Variants in PPP1R13B observed in about 807,000 individuals in gnomAD.
The protein encoded by PPP1R13B is apoptosis-stimulating of p53 protein 1.
PPP1R13B carries 44 observed loss-of-function variants against 119.8 expected under a neutral mutation model. The observed-to-expected ratio is 0.37, with a 90% CI of 0.29 to 0.47. The LOEUF is 0.47. Ranked by LOEUF, PPP1R13B falls within the 20% of genes least tolerant of loss-of-function variation. The probability of loss-of-function intolerance (pLI) is 0.99; values close to 1 mark genes in which losing one functional copy is unlikely to be tolerated. For synonymous variants in PPP1R13B, 542 were observed against 561.5 expected (o/e 0.97, Z 0.49); for missense variants, 1,227 against 1,413.5 (o/e 0.87, Z 2.12).
chr14:103,739,085 C>A (rs899949330), intron 12 of PPP1R13B, 62 bp from the exon 13 acceptor site: 3 of 1,559,788 alleles, frequency 1.9e-6, no homozygotes, highest in Non-Finnish European at 2.6e-6. Flanking sequence ...AGAACCCACG[C>A]CTGCTGGGAA....
At chr14:103,781,759 C>T (rs1026162608) in intron 3 of PPP1R13B, among the ~76,000 whole-genome samples, 1 of 152,136 alleles carries the variant, frequency 6.6e-6, no homozygotes, top group African/African-American at 2.4e-5. Flanking sequence ...TCACACCATT[C>T]TCCTGCCTCA....
rs1366914639 is a variant in PPP1R13B, at chr14:103,740,750, C to T, written c.1823-157G>A. On this transcript the variant is annotated intron_variant, in intron 11 of 16. Transcript: ENST00000202556. The surrounding 1 kb of genome is among the most constrained non-coding windows in gnomAD (Gnocchi z 4.6). ...TTTCAAATCTCTGAGGAAACCTCCC[C>T]CTCTTAGAGCCTCCACTGACTCCTT... 6.6e-6 allele frequency among the ~76,000 whole-genome samples: 1 copy of T among 152,210 alleles called. No homozygotes were observed. The highest frequency in any genetic ancestry group is 1.5e-5 in the Non-Finnish European group (1 of 68,046).
chr14:103,793,122 A>T (rs1217974804), intron 2 of PPP1R13B, among the ~76,000 whole-genome samples: 1 of 67,574 alleles, frequency 1.5e-5, no homozygotes, highest in Non-Finnish European at 2.7e-5. Flanking sequence ...AGGGAAGGCA[A>T]TGGGAGGGGA....
chr14:103,742,362 C>G lies in PPP1R13B; in HGVS notation c.1321-71G>C. 6.8e-7 allele frequency: 1 copy of G among 1,481,428 alleles called. No individual in the cohort carries two copies. Among genetic ancestry groups the G allele is most frequent in the East Asian group, 2.3e-5 (1 of 43,830 alleles). The allele number at this position is 1,481,428 out of a possible 1,614,324, so 91.8% of individuals were successfully genotyped here. On this transcript the variant is annotated intron_variant, in intron 10 of 16. Transcript: ENST00000202556. The surrounding 1 kb of genome is among the most constrained non-coding windows in gnomAD (Gnocchi z 4.9). ...GTTAAGAATATTTCCACCCACATTC[C>G]CAAGAGAATACACAGTAGAATTTGT...
At chr14:103,838,036 T>C (rs1252263836) in intron 1 of PPP1R13B, among the ~76,000 whole-genome samples, 2 of 152,098 alleles carry the variant, frequency 1.3e-5, no homozygotes, top group Admixed American at 6.6e-5. Flanking sequence ...GAAGAATCGC[T>C]TGAACCTAGG....
chr14:103,759,730 C>T (rs184209164), intron 4 of PPP1R13B, among the ~76,000 whole-genome samples: 109 of 151,908 alleles, frequency 7.2e-4, no homozygotes, highest in South Asian at 5.8e-3. Context: ...GTCTCCCCCA[C>T]CAAAGGCTTC....
rs1465755310 is a variant in PPP1R13B, at chr14:103,829,523, A to G, written c.9+17776T>C. On this transcript the variant is annotated intron_variant, in intron 1 of 16. Coordinates refer to ENST00000202556, the MANE Select transcript of PPP1R13B (RefSeq NM_015316.3). ...GCAACCCTCCTGCCTTGGCCTCCCA[A>G]AATGATGGGATTACAAGAGTGAGCC... Among the ~76,000 whole-genome samples the G allele has an allele frequency of 1.1e-4, 16 of 152,322 alleles. No individual in the cohort carries two copies. The East Asian group carries it at 3.1e-3, about 29-fold the overall frequency.
At chr14:103,774,771 G>A (rs971339600) in intron 4 of PPP1R13B, among the ~76,000 whole-genome samples, 2 of 152,202 alleles carry the variant, frequency 1.3e-5, no homozygotes, top group African/African-American at 4.8e-5. Context: ...TTTGGGGGAA[G>A]ATGTTTTTCA....
At position 103,737,831 on chromosome 14, in the gene PPP1R13B, T is replaced by A; in HGVS notation, c.2894A>T (p.Asn965Ile). ...WTPLHCAASC[N>I]SVHLCKQLVE... ...CAGCTGTTTGCAGAGGTGAACGCTGTTACAAGAGGCAGCGCAGTGCAGCGG... is the reference window on the plus strand; with the variant it reads ...CAGCTGTTTGCAGAGGTGAACGCTGATACAAGAGGCAGCGCAGTGCAGCGG... Residue 965 changes from asparagine (N) to isoleucine (I), a missense_variant, in exon 15 of 17, where the codon AAC (asparagine) becomes ATC (isoleucine). Transcript: ENST00000202556. 6.2e-7 allele frequency: 1 copy of A among 1,614,146 alleles called. No homozygotes were observed. The highest frequency in any genetic ancestry group is 8.5e-7 in the Non-Finnish European group (1 of 1,180,036).
Position 103,761,189 on chromosome 14 carries a change from G to A in PPP1R13B, c.355-3438C>T, listed in dbSNP as rs917172448. ...CTTGGGAGGATGAGGTGGAAGGAAC[G>A]CTTGAGCCTGGGAGGTTGAGAATGC... On this transcript the variant is annotated intron_variant, in intron 4 of 16. Coordinates refer to ENST00000202556, the MANE Select transcript of PPP1R13B (RefSeq NM_015316.3). Among the ~76,000 whole-genome samples the A allele has an allele frequency of 2.0e-5, 3 of 150,002 alleles. 1 individual carries two copies. The South Asian group carries it at 6.3e-4, about 32-fold the overall frequency.
intron 1 of PPP1R13B, among the ~76,000 whole-genome samples, chr14:103,815,729 T>C (rs974924189): frequency 4.0e-5 from 6 of 151,650 alleles, no homozygotes; most frequent in African/African-American, 1.5e-4. Context: ...CACTCCAGCC[T>C]GGGCAACAAG....
chr14:103,743,025 C>T (rs1382429203), intron 9 of PPP1R13B: 17 of 588,720 alleles, frequency 2.9e-5, no homozygotes, highest in Non-Finnish European at 4.1e-5. Context: ...GACCAAGGGA[C>T]GGGCTCTGCT....
At chr14:103,759,684 C>T (rs2084759752) in intron 4 of PPP1R13B, among the ~76,000 whole-genome samples, 1 of 151,412 alleles carries the variant, frequency 6.6e-6, no homozygotes, top group Non-Finnish European at 1.5e-5. Context: ...AATTTCACAA[C>T]TTGAAGAAAA....
intron 5 of PPP1R13B, 93 bp from the exon 6 acceptor site, chr14:103,754,337 G>A (rs1351000291): frequency 4.8e-6 from 6 of 1,256,706 alleles, no homozygotes; most frequent in Non-Finnish European, 6.6e-6. Context: ...GGCTGAGGTA[G>A]GTGGATCACC....
chr14:103,794,073 G>A (rs1417181438), intron 2 of PPP1R13B, among the ~76,000 whole-genome samples: 1 of 152,142 alleles, frequency 6.6e-6, no homozygotes, highest in Non-Finnish European at 1.5e-5. Flanking sequence ...GAGAGAGAGA[G>A]TCTTCAGAAT....
intron 4 of PPP1R13B, among the ~76,000 whole-genome samples, chr14:103,775,542 T>A (rs2085168099): frequency 6.6e-6 from 1 of 152,194 alleles, no homozygotes; most frequent in Admixed American, 6.5e-5. Context: ...CCCAAAGTGC[T>A]GGGATTACAG....
chr14:103,754,631 A>T (rs2151982755), intron 5 of PPP1R13B, among the ~76,000 whole-genome samples: 1 of 151,504 alleles, frequency 6.6e-6, no homozygotes, highest in Non-Finnish European at 1.5e-5. Flanking sequence ...GAAAAATGTG[A>T]GAGTATTCTA....
intron 2 of PPP1R13B, among the ~76,000 whole-genome samples, chr14:103,791,421 T>G (rs2085618327): frequency 6.6e-6 from 1 of 152,156 alleles, no homozygotes; most frequent in African/African-American, 2.4e-5. Flanking sequence ...CAATGACAAG[T>G]TAAACATTAA....
chr14:103,828,776 C>T (rs759196792), intron 1 of PPP1R13B, among the ~76,000 whole-genome samples: 1 of 152,232 alleles, frequency 6.6e-6, no homozygotes, highest in Non-Finnish European at 1.5e-5. Flanking sequence ...TGCTAATCAA[C>T]GGCAGATGAA....
Sources: allele counts gnomAD v4.1 joint callset (sites outside exome capture counted in the v4.1 genomes callset), GRCh38; gene constraint gnomAD v4.1.1; non-coding constraint Gnocchi (gnomAD v3.1); transcripts MANE v1.5; gene names NCBI Gene and HGNC (gene_info 2026-07-23, HGNC 2026-07-21).